Variants in LYSMD4 observed in about 807,000 individuals in gnomAD.
LYSMD4 encodes the protein lysM and putative peptidoglycan-binding domain-containing protein 4.
A neutral mutation model predicts 6.1 loss-of-function variants in LYSMD4; 9 were observed. The observed-to-expected ratio is 1.47, with a 90% confidence interval of 0.88 to 2.56. LYSMD4 has a LOEUF of 2.56. Ranked by LOEUF, LYSMD4 falls within the 30% of genes most tolerant of loss-of-function variation. The pLI, the probability that LYSMD4 is intolerant of heterozygous loss-of-function variation, is 0.00. For missense variants in LYSMD4, 384 were observed against 373.5 expected, an observed-to-expected ratio of 1.03 and a Z score of -0.23; for synonymous variants, 143 against 148.5, an observed-to-expected ratio of 0.96 and a Z score of 0.27.
chr15:99,720,390 G>A (rs578113462), upstream of LYSMD4, among the ~76,000 whole-genome samples: 2 of 152,206 alleles, frequency 1.3e-5, no homozygotes, highest in Non-Finnish European at 1.5e-5. Context: ...GGAGGCTGAG[G>A]TGGGAGGATC....
chr15:99,725,967 T>G (rs1340613199), downstream of LYSMD4, among the ~76,000 whole-genome samples: 2 of 152,014 alleles, frequency 1.3e-5, no homozygotes, highest in Admixed American at 1.3e-4. Context: ...AGGGAGGTAG[T>G]GAGGGTAAAG....
chr15:99,723,917 A>C (rs2059257383), downstream of LYSMD4, among the ~76,000 whole-genome samples: 1 of 145,640 alleles, frequency 6.9e-6, no homozygotes, highest in South Asian at 2.1e-4. Context: ...CAGATCACTT[A>C]AATGTGGAAT....
At chr15:99,719,290 T>C (rs1377924537), upstream of LYSMD4, among the ~76,000 whole-genome samples, 6 of 152,262 alleles carry the variant, frequency 3.9e-5, no homozygotes, top group Non-Finnish European at 5.9e-5. Flanking sequence ...TCTGTTCGTG[T>C]TTTATTTCAC....
chr15:99,731,587 C>T, intron 2 of LYSMD4, 131 bp downstream of exon 2: 1 of 1,525,186 alleles, frequency 6.6e-7, no homozygotes, highest in Non-Finnish European at 8.8e-7. Flanking sequence ...TAGGGGAGTC[C>T]TTGGCTGCTA....
At chr15:99,718,156 A>G (rs2059205006), upstream of LYSMD4, among the ~76,000 whole-genome samples, 1 of 152,208 alleles carries the variant, frequency 6.6e-6, no homozygotes, top group African/African-American at 2.4e-5. Flanking sequence ...CTTTTCTTAT[A>G]TAACCTTTGA....
upstream of LYSMD4, among the ~76,000 whole-genome samples, chr15:99,718,962 C>T (rs200825949): frequency 2.6e-5 from 4 of 151,912 alleles, no homozygotes; most frequent in East Asian, 7.7e-4. Context: ...TTCCTAATTA[C>T]CTAAACATGT....
downstream of LYSMD4, among the ~76,000 whole-genome samples, chr15:99,724,997 A>G (rs887639771): frequency 1.7e-4 from 26 of 152,176 alleles, no homozygotes. Flanking sequence ...GGCAAGTTGG[A>G]TGCTATCCAC....
downstream of LYSMD4, among the ~76,000 whole-genome samples, chr15:99,725,528 C>T (rs1268435866): frequency 6.6e-6 from 1 of 152,178 alleles, no homozygotes; most frequent in Non-Finnish European, 1.5e-5. Context: ...TCGTGGCCCC[C>T]ACAACCTGGT....
rs932484749 is a variant in LYSMD4, at chr15:99,716,580, C to T, written c.218G>A (p.Gly73Glu). The T allele has an allele frequency of 1.8e-5, 8 of 456,632 alleles. No homozygotes were observed. The Admixed American group carries it at 1.9e-4, about 11-fold the overall frequency. 28.3% of individuals were successfully genotyped at this position (456,632 alleles called of 1,614,324 possible). Residue 73 changes from glycine to glutamate, a missense_variant, in exon 1 of 1, where the codon GGA becomes GAA. By Grantham distance (98) the Gly-to-Glu change is moderately conservative (BLOSUM62 -2). Coordinates refer to the LYSMD4 transcript ENST00000378904. ...CCCTAAAGCCCTCTCCTTTTTCATT[C>T]CTTTCACGAAGACCTTTTTCACCTG...
exon 1 of LYSMD4, chr15:99,717,447 C>T (rs1597374271): frequency 6.6e-6 from 1 of 152,092 alleles, no homozygotes; most frequent in South Asian, 2.1e-4. Flanking sequence ...GAGGACCACT[C>T]GGTTGTAAAA....
chr15:99,731,707 G>T lies in LYSMD4; in HGVS notation c.282+11C>A. 2 of 1,575,906 alleles carry T rather than the reference G, an allele frequency of 1.3e-6. No homozygotes were observed. Among genetic ancestry groups the T allele is most frequent in the Non-Finnish European group, 1.7e-6 (2 of 1,162,036 alleles). On this transcript the variant is annotated intron_variant, in intron 2 of 2. Transcript: ENST00000684762. ...AACGGAGCGGGGCAGGGCCCCTGAGGGGTGTCTTACTTTGCAGCCATACTG... is the reference window on the plus strand; with the variant it reads ...AACGGAGCGGGGCAGGGCCCCTGAGTGGTGTCTTACTTTGCAGCCATACTG...
At chr15:99,731,165 C>T in intron 2 of LYSMD4, 1 of 1,611,476 alleles carries the variant, frequency 6.2e-7, no homozygotes, top group Non-Finnish European at 8.5e-7. Flanking sequence ...AAATACTTTC[C>T]TACTTACTTT....
Position 99,729,603 on chromosome 15 carries a change from C to A in LYSMD4, c.411G>T (p.Leu137=). Residue 137 remains leucine (L), a synonymous_variant, in exon 3 of 3, where the codon CTG becomes CTT. Transcript: ENST00000684762. ...TCACTGTGGTCTCGGAAGACGGGCT[C>A]AGAAGGGGTTTCAGTTCTTTGTGGG... is the stretch of plus-strand genomic sequence containing the variant. ...METHKELKPL[L]SPSSETTVTV... The A allele has an allele frequency of 6.2e-7, 1 of 1,614,132 alleles. No homozygotes were observed. The highest frequency in any genetic ancestry group is 8.5e-7 in the Non-Finnish European group (1 of 1,180,028).
chr15:99,718,755 G>A (rs1027835898), upstream of LYSMD4, among the ~76,000 whole-genome samples: 5 of 152,144 alleles, frequency 3.3e-5, no homozygotes, highest in African/African-American at 1.2e-4. Flanking sequence ...TTGTGGTGTT[G>A]GGTCAACCAC....
At position 99,732,094 on chromosome 15, in the gene LYSMD4, G is replaced by A. The variant is rs188809426; in HGVS notation, c.-8-87C>T. ...TTAAAGAGAAGTGTCTTGTTAGAGA[G>A]TATTCCTTTTCCTAATCGCTGCAAA... On this transcript the variant is annotated intron_variant, in intron 1 of 2. Coordinates refer to ENST00000684762, the MANE Select transcript of LYSMD4 (RefSeq NM_001284417.2). 5 of 1,375,414 alleles carry A rather than the reference G, an allele frequency of 3.6e-6. No homozygotes were observed. In the East Asian group the frequency reaches 1.0e-4, roughly 28 times the overall value. 85.2% of individuals were successfully genotyped at this position (1,375,414 alleles called of 1,614,324 possible). A position where few individuals can be genotyped will look rare whatever the true frequency, so the allele number is the denominator to read the frequency against.
chr15:99,716,496 A>ACTC (rs1375764971), exon 1 of LYSMD4: 11 of 456,540 alleles, frequency 2.4e-5, no homozygotes, highest in Non-Finnish European at 4.8e-5. Context: ...GTGCGTCGAG[A>ACTC]CTCTGTCATG....
downstream of LYSMD4, among the ~76,000 whole-genome samples, chr15:99,723,596 C>T (rs1188622818): frequency 2.6e-5 from 4 of 152,224 alleles, no homozygotes; most frequent in African/African-American, 7.2e-5. Context: ...GCCCCTGGCT[C>T]CCTTCTGCCT....
upstream of LYSMD4, among the ~76,000 whole-genome samples, chr15:99,719,538 T>C (rs1363546423): frequency 6.6e-6 from 1 of 152,230 alleles, no homozygotes; most frequent in Non-Finnish European, 1.5e-5. Flanking sequence ...GCAGCTTTGC[T>C]TTTTCCACTT....
At chr15:99,729,794 A>G in intron 2 of LYSMD4, 63 bp from the exon 3 acceptor site, 2 of 1,515,338 alleles carry the variant, frequency 1.3e-6, no homozygotes, top group South Asian at 2.7e-5. Flanking sequence ...AACTTTCCAA[A>G]AAGTGGCTCT....
Sources: gnomAD v4.1 joint callset for allele counts (sites outside exome capture counted in the v4.1 genomes callset) on GRCh38, gnomAD v4.1.1 for gene constraint, MANE v1.5 for transcripts, NCBI Gene and HGNC (gene_info 2026-07-23, HGNC 2026-07-21) for gene names.